Variants in RGPD1 observed in about 807,000 individuals in gnomAD.
RGPD1 encodes RANBP2 like and GRIP domain containing 1.
A neutral mutation model predicts 40.6 loss-of-function variants in RGPD1; 7 were observed. The ratio of observed to expected loss-of-function variants is 0.17; its 90% CI spans 0.10 to 0.32. RGPD1 has a LOEUF of 0.32. RGPD1 is among the 10% of genes least tolerant of loss of function. The probability of loss-of-function intolerance (pLI) is 1.00; values close to 1 mark genes in which losing one functional copy is unlikely to be tolerated. For missense variants in RGPD1, 50 were observed against 472.5 expected (o/e 0.11, Z 8.29); for synonymous variants, 24 against 167.0 (o/e 0.14, Z 6.60).
intron 1 of RGPD1, among the ~76,000 whole-genome samples, chr2:86,943,186 G>A (rs1389182798): frequency 6.6e-6 from 1 of 151,048 alleles, no homozygotes; most frequent in Non-Finnish European, 1.5e-5. Context: ...CGGCGCAAAT[G>A]ACAGGGGAAG....
chr2:87,009,210 CAGG>C (rs1240008869), intron 22 of RGPD1, among the ~76,000 whole-genome samples: 2 of 30,478 alleles, frequency 6.6e-5, no homozygotes, highest in Non-Finnish European at 1.2e-4. Context: ...GAGACTGAGG[CAGG>C]AGAATGGCAT....
intron 1 of RGPD1, chr2:86,922,539 AT>A (rs1387656475): frequency 9.8e-6 from 1 of 101,532 alleles, no homozygotes; most frequent in Admixed American, 2.6e-4. Context: ...GGCAGAACTG[AT>A]TTCCGAATCC....
rs1417695579 is a variant in RGPD1 at position 86,935,888 on chromosome 2, A to T, written c.73-15408A>T. Among the ~76,000 whole-genome samples, 2 of 147,128 alleles carry T rather than the reference A, an allele frequency of 1.4e-5. 1 individual carries two copies. Among genetic ancestry groups the T allele is most frequent in the Non-Finnish European group, 3.0e-5 (2 of 65,848 alleles). On this transcript the variant is annotated intron_variant, in intron 1 of 22. Coordinates refer to the RGPD1 transcript ENST00000398193. ...AACATACAAGCTTATGGATATATTT[A>T]AAAATTCTTAATTTTCTAGATTAAT...
At chr2:86,926,520 A>T (rs1228946813) in intron 1 of RGPD1, among the ~76,000 whole-genome samples, 1 of 152,102 alleles carries the variant, frequency 6.6e-6, no homozygotes, top group Non-Finnish European at 1.5e-5. Flanking sequence ...ATAATACATA[A>T]ACAACCTCCC....
Position 86,924,602 on chromosome 2 carries a change from C to T in RGPD1, c.72+10681C>T, listed in dbSNP as rs1357807311. 1.2e-3 allele frequency among the ~76,000 whole-genome samples: 185 copies of T among 149,762 alleles called. 1 individual carries two copies. The highest frequency in any genetic ancestry group is 2.1e-3 in the Non-Finnish European group (137 of 66,740). ...TACCTCAGCCTCCAAGTGGCTAGGA[C>T]TACCGGTATGCTCCATCATGCCTGG... On this transcript the variant is annotated intron_variant, in intron 1 of 22. Coordinates refer to the RGPD1 transcript ENST00000398193.
At chr2:87,000,407 C>CT in intron 22 of RGPD1, among the ~76,000 whole-genome samples, 1 of 93,116 alleles carries the variant, frequency 1.1e-5, no homozygotes, top group Non-Finnish European at 2.0e-5. Flanking sequence ...AGAGACTAAC[C>CT]TAAGGGATAC....
At chr2:86,930,140 G>A (rs1168416592) in intron 1 of RGPD1, 3 of 1,487,914 alleles carry the variant, frequency 2.0e-6, no homozygotes, top group South Asian at 2.4e-5. Flanking sequence ...CGGCAGGAGG[G>A]GGGTGTGGGG....
rs1196234785 is a variant in RGPD1 at position 86,955,741 on chromosome 2, GT to G, written c.403-1960del. Among the ~76,000 whole-genome samples the G allele has an allele frequency of 3.0e-5, 3 of 99,410 alleles. No homozygotes were observed. The Admixed American group carries it at 3.4e-4, about 11-fold the overall frequency. The allele number at this position is 99,410 out of a possible 152,430, so 65.2% of individuals were successfully genotyped here. On this transcript the variant is annotated intron_variant, in intron 4 of 22. Coordinates refer to ENST00000641458, the MANE Select transcript of RGPD1 (RefSeq NM_001382344.1). Reference sequence around the variant, plus strand: ...TTCCAAAGATAAATATTACTGATAAGTTTTTCTCCCCAGTAATAAGCAGCTG... The same window carrying G: ...TTCCAAAGATAAATATTACTGATAAGTTTTCTCCCCAGTAATAAGCAGCTG...
chr2:86,940,640 G>A (rs1000146035), upstream of RGPD1, among the ~76,000 whole-genome samples: 4 of 150,658 alleles, frequency 2.7e-5, no homozygotes, highest in Non-Finnish European at 4.4e-5. Flanking sequence ...CTCTTCCAGA[G>A]GCTGGAGTGC....
At chr2:86,978,103 G>A (rs1455228908) in intron 17 of RGPD1, among the ~76,000 whole-genome samples, 172 bp downstream of exon 17, 2 of 123,798 alleles carry the variant, frequency 1.6e-5, no homozygotes, top group African/African-American at 7.1e-5. Flanking sequence ...GTCTTGTTGT[G>A]CAGGCTGCAG....
At chr2:86,923,555 C>T (rs1368872734) in intron 1 of RGPD1, among the ~76,000 whole-genome samples, 2 of 150,402 alleles carry the variant, frequency 1.3e-5, no homozygotes, top group African/African-American at 4.9e-5. Context: ...GCCTTATCGC[C>T]TAGGCTGGAG....
In RGPD1 at chr2:86,913,885, C is replaced by G. The variant is rs774687971; in HGVS notation, c.36C>G (p.Leu12=). 9.5e-5 allele frequency: 150 copies of G among 1,576,450 alleles called. 8 individuals are homozygous for G. Among genetic ancestry groups the G allele is most frequent in the Non-Finnish European group, 1.2e-4 (141 of 1,161,460 alleles). ...GCAAGGCCTACGGGGAGCGGTACCTCGCCTCGGTGCAGGGCTCCGCCCCGT... is the reference window on the plus strand; with the variant it reads ...GCAAGGCCTACGGGGAGCGGTACCTGGCCTCGGTGCAGGGCTCCGCCCCGT... Residue 12 remains leucine, a synonymous_variant, in exon 1 of 23, where the codon CTC becomes CTG. Transcript: ENST00000398193.
At chr2:86,944,778 G>T (rs1300964591) in intron 1 of RGPD1, among the ~76,000 whole-genome samples, 1 of 152,048 alleles carries the variant, frequency 6.6e-6, no homozygotes, top group African/African-American at 2.4e-5. Flanking sequence ...CAGGATCGTG[G>T]CTCACTGCAG....
At chr2:86,930,714 C>T (rs1221560090) in intron 1 of RGPD1, 171 of 1,561,022 alleles carry the variant, frequency 1.1e-4, no homozygotes, top group Non-Finnish European at 1.5e-4. Context: ...AAGTGCCCCC[C>T]AGGCCTCCTC....
intron 22 of RGPD1, among the ~76,000 whole-genome samples, chr2:87,000,167 C>G (rs1236296513): frequency 1.6e-5 from 2 of 125,070 alleles, no homozygotes; most frequent in African/African-American, 4.2e-5. Flanking sequence ...CTATAAAAAA[C>G]AAGACAGAAA....
chr2:86,924,705 C>G (rs1678337799), intron 1 of RGPD1, among the ~76,000 whole-genome samples: 1 of 151,830 alleles, frequency 6.6e-6, no homozygotes, highest in Non-Finnish European at 1.5e-5. Flanking sequence ...CTCCTGGGCT[C>G]AAGCAGTCCT....
At chr2:86,928,819 G>GA (rs1678694040) in intron 1 of RGPD1, among the ~76,000 whole-genome samples, 2 of 152,122 alleles carry the variant, frequency 1.3e-5, no homozygotes, top group African/African-American at 4.8e-5. Context: ...AATGTTAGTT[G>GA]AAATGAATGA....
upstream of RGPD1, among the ~76,000 whole-genome samples, chr2:86,941,757 C>G (rs1441308355): frequency 6.7e-6 from 1 of 150,230 alleles, no homozygotes; most frequent in Non-Finnish European, 1.5e-5. Flanking sequence ...CTCGCCCAGG[C>G]TTGAGTGCAG....
intron 1 of RGPD1, chr2:86,913,968 T>A: frequency 3.8e-6 from 3 of 792,426 alleles, no homozygotes; most frequent in Non-Finnish European, 5.0e-6. Flanking sequence ...GGCGGGGCGG[T>A]GGCCTCGACC....
Sources: allele counts gnomAD v4.1 joint callset (sites outside exome capture counted in the v4.1 genomes callset), GRCh38; gene constraint gnomAD v4.1.1; transcripts MANE v1.5; gene names NCBI Gene and HGNC (gene_info 2026-07-23, HGNC 2026-07-21).